The following EML6 variants were observed in gnomAD, a reference collection of about 807,000 sequenced individuals.
EML6 encodes the protein EMAP like 6.
Under a neutral mutation model 240.1 loss-of-function variants are expected in EML6, and 154 were observed. The observed-to-expected ratio is 0.64, with a 90% confidence interval of 0.56 to 0.73. The LOEUF (loss-of-function observed/expected upper bound fraction) is 0.73. Ranked by LOEUF, EML6 falls within the 30% of genes least tolerant of loss-of-function variation. The pLI is 0.00. For missense variants in EML6, 2,964 were observed against 2,474.6 expected (o/e 1.20, Z -4.20); for synonymous variants, 1,148 against 899.0 (o/e 1.28, Z -4.95).
intron 19 of EML6, among the ~76,000 whole-genome samples, chr2:54,893,226 A>G (rs929944544): frequency 1.3e-5 from 2 of 152,204 alleles, no homozygotes; most frequent in Non-Finnish European, 2.9e-5. Flanking sequence ...CAAAGATTAC[A>G]CTTACCTTCT....
chr2:54,798,950 A>G (rs1669965904), intron 2 of EML6, among the ~76,000 whole-genome samples: 1 of 152,098 alleles, frequency 6.6e-6, no homozygotes, highest in Non-Finnish European at 1.5e-5. Context: ...TTTCCATTCT[A>G]TTCTTAATTT....
At chr2:54,928,792 T>A in intron 28 of EML6, 41 bp downstream of exon 28, 1 of 1,550,946 alleles carries the variant, frequency 6.4e-7, no homozygotes, top group Non-Finnish European at 8.7e-7. Flanking sequence ...TTATACCTGA[T>A]GACAAGAAAC....
intron 2 of EML6, among the ~76,000 whole-genome samples, chr2:54,754,933 G>T (rs1336231909): frequency 1.3e-5 from 2 of 152,174 alleles, no homozygotes; most frequent in Non-Finnish European, 2.9e-5. Context: ...AATTTTATTA[G>T]ATTTTAATTA....
At chr2:54,958,033 C>G (rs558478822) in intron 33 of EML6, 35 bp downstream of exon 33, 2 of 1,520,254 alleles carry the variant, frequency 1.3e-6, no homozygotes, top group East Asian at 2.5e-5. Flanking sequence ...AGAAGGGGAC[C>G]CAGACCCCCT....
chr2:54,916,816 A>G lies in EML6; in HGVS notation c.3556A>G (p.Ile1186Val), dbSNP rs897646286. The change falls in exon 26 of 42, where the codon ATC becomes GTC. Residue 1186 changes from isoleucine (I) to valine (V), a missense_variant. Coordinates refer to ENST00000356458, the MANE Select transcript of EML6 (RefSeq NM_001039753.4). ...TGTCCTGGGGCCCACCTGTGAGGGA[A>G]TCTGGCCAGCACATAGCGATATAAC... ...TCVLGPTCEG[I>V]WPAHSDITDV... 5.2e-6 allele frequency: 8 copies of G among 1,547,612 alleles called. No individual in the cohort carries two copies. The highest frequency in any genetic ancestry group is 7.0e-6 in the Non-Finnish European group (8 of 1,143,654).
intron 35 of EML6, among the ~76,000 whole-genome samples, chr2:54,961,075 C>A (rs1274783580): frequency 6.6e-6 from 1 of 151,178 alleles, no homozygotes; most frequent in African/African-American, 2.4e-5. Context: ...CCACATGATT[C>A]AAAACTGGGG....
chr2:54,855,285 A>G (rs1670311410), intron 11 of EML6, among the ~76,000 whole-genome samples: 1 of 151,782 alleles, frequency 6.6e-6, no homozygotes, highest in Non-Finnish European at 1.5e-5. Flanking sequence ...GGTGAGGGGG[A>G]GAAGGTACGT....
At chr2:54,938,742 C>T (rs1425423764) in intron 28 of EML6, among the ~76,000 whole-genome samples, 1 of 152,228 alleles carries the variant, frequency 6.6e-6, no homozygotes, top group Non-Finnish European at 1.5e-5. Flanking sequence ...GTTCCTTGGA[C>T]ATCTTCTGGC....
intron 28 of EML6, among the ~76,000 whole-genome samples, chr2:54,931,011 G>A (rs539663579): frequency 7.1e-6 from 1 of 141,356 alleles, no homozygotes; most frequent in East Asian, 2.1e-4. Flanking sequence ...AGGCTGGAGT[G>A]CAGTGGCGCG....
At chr2:54,817,258 TTGAA>T (rs1329852939) in intron 4 of EML6, among the ~76,000 whole-genome samples, 2 of 152,230 alleles carry the variant, frequency 1.3e-5, no homozygotes, top group Non-Finnish European at 2.9e-5. Flanking sequence ...CATTTTAATT[TTGAA>T]TGAGTGTAAT....
At chr2:54,871,641 T>C (rs1558635252) in intron 16 of EML6, 36 bp downstream of exon 16, 11 of 1,407,644 alleles carry the variant, frequency 7.8e-6, no homozygotes, top group Non-Finnish European at 1.1e-5. Flanking sequence ...GGTTCTACGT[T>C]GAGAGAGAGA....
chr2:54,865,417 A>G (rs550906068), intron 13 of EML6, among the ~76,000 whole-genome samples: 2 of 152,226 alleles, frequency 1.3e-5, no homozygotes, highest in East Asian at 1.9e-4. Flanking sequence ...ATTGAGGGCT[A>G]CAAGCCACTG....
intron 2 of EML6, among the ~76,000 whole-genome samples, chr2:54,763,071 T>C (rs1254484696): frequency 6.6e-6 from 1 of 152,198 alleles, no homozygotes. Flanking sequence ...TTATGTCTCT[T>C]TTCTTCCATA....
chr2:54,937,986 C>G, intron 28 of EML6, among the ~76,000 whole-genome samples: 1 of 152,198 alleles, frequency 6.6e-6, no homozygotes, highest in East Asian at 1.9e-4. Flanking sequence ...ACTTCTGACA[C>G]CAATCTGCTT....
At chr2:54,953,529 T>C (rs1158472790) in intron 31 of EML6, among the ~76,000 whole-genome samples, 1 of 152,178 alleles carries the variant, frequency 6.6e-6, no homozygotes, top group African/African-American at 2.4e-5. Flanking sequence ...GTCTTTCTCC[T>C]CTGGCCAGGT....
At chr2:54,959,002 T>C (rs1676367321) in intron 33 of EML6, 102 bp from the exon 34 acceptor site, 1 of 1,106,758 alleles carries the variant, frequency 9.0e-7, no homozygotes. Flanking sequence ...CTGCCTAGGC[T>C]GTCTGCATCT....
chr2:54,931,286 G>A (rs1311147181), intron 28 of EML6, among the ~76,000 whole-genome samples: 4 of 152,170 alleles, frequency 2.6e-5, no homozygotes, highest in African/African-American at 9.7e-5. Flanking sequence ...CCACAAAATA[G>A]AACATTGCCA....
At chr2:54,756,753 AC>A (rs970979860) in intron 2 of EML6, among the ~76,000 whole-genome samples, 1 of 151,864 alleles carries the variant, frequency 6.6e-6, no homozygotes, top group Non-Finnish European at 1.5e-5. Flanking sequence ...TTCCTGGCAT[AC>A]TGAAATTTAA....
At chr2:54,781,332 C>A (rs368348172) in intron 2 of EML6, among the ~76,000 whole-genome samples, 2 of 152,066 alleles carry the variant, frequency 1.3e-5, no homozygotes, top group Non-Finnish European at 2.9e-5. Context: ...GCCAATAAAT[C>A]GCATGGATTT....
Sources: allele counts gnomAD v4.1 joint callset (sites outside exome capture counted in the v4.1 genomes callset), GRCh38; gene constraint gnomAD v4.1.1; transcripts MANE v1.5; gene names NCBI Gene and HGNC (gene_info 2026-07-23, HGNC 2026-07-21).